KMT2D: variants seen among roughly 807,000 people sequenced by gnomAD.
KMT2D encodes the protein lysine methyltransferase 2D.
In KMT2D, 55 loss-of-function variants were observed where a neutral mutation model predicts 512.7. That is an observed-to-expected ratio of 0.11 (90% CI 0.09 to 0.13). KMT2D has a LOEUF of 0.13. KMT2D is among the 10% of genes least tolerant of loss of function. The pLI is 1.00. For synonymous variants in KMT2D, 2,995 were observed against 2,904.0 expected (o/e 1.03, Z -1.01); for missense variants, 6,061 against 7,127.9 (o/e 0.85, Z 5.39).
At chr12:49,055,050 G>C in intron 2 of KMT2D, 24 bp from the exon 3 acceptor site, 2 of 1,612,450 alleles carry the variant, frequency 1.2e-6, no homozygotes, top group Non-Finnish European at 1.7e-6. Context: ...CAAACAGCAT[G>C]TGTCAGCCAT....
Position 49,041,889 on chromosome 12 carries a change from C to T in KMT2D, c.6183+28G>A, listed in dbSNP as rs150484991. On this transcript the variant is annotated intron_variant, in intron 30 of 54. Coordinates refer to ENST00000301067, the MANE Select transcript of KMT2D (RefSeq NM_003482.4). The surrounding 1 kb of genome is among the most constrained non-coding windows in gnomAD (Gnocchi z 5.4). ...ATCCCTCCCTCCCTCTCAGTTCCCA[C>T]GCTAATCCATGCTCCTTTCTGCCTC... 3.2e-4 allele frequency: 506 copies of T among 1,583,454 alleles called. 4 individuals carry two copies. In the Middle Eastern group the frequency reaches 0.012, roughly 37 times the overall value.
chr12:49,029,323 C>A, intron 44 of KMT2D, 78 bp downstream of exon 44: 1 of 1,581,846 alleles, frequency 6.3e-7, no homozygotes, highest in Non-Finnish European at 8.6e-7. Flanking sequence ...TACTTGAAAT[C>A]TCCATTGGCC....
chr12:49,045,202 T>C (rs754707772), intron 19 of KMT2D, among the ~76,000 whole-genome samples: 1 of 152,196 alleles, frequency 6.6e-6, no homozygotes, highest in Non-Finnish European at 1.5e-5. Flanking sequence ...TTGCTCATGA[T>C]TAACCCTAGG....
intron 44 of KMT2D, 34 bp from the exon 45 acceptor site, chr12:49,029,270 C>T (rs2120395627): frequency 6.2e-7 from 1 of 1,603,840 alleles, no homozygotes; most frequent in Non-Finnish European, 8.5e-7. Flanking sequence ...GTTGCTACAG[C>T]CCTGCAGACT....
rs2137710451 is a variant in KMT2D, at chr12:49,024,557, G to A, written c.16052+21C>T. On this transcript the variant is annotated intron_variant, in intron 51 of 54. Coordinates refer to ENST00000301067, the MANE Select transcript of KMT2D (RefSeq NM_003482.4). The surrounding 1 kb of genome is among the most constrained non-coding windows in gnomAD (Gnocchi z 4.5). ...TCAACACCCACACCCACATCCCTTG[G>A]CTCCAGCATCACAAGCTCACCGTTT... The A allele has an allele frequency of 1.3e-6, 2 of 1,593,208 alleles. No homozygotes were observed. Among genetic ancestry groups the A allele is most frequent in the Non-Finnish European group, 8.6e-7 (1 of 1,166,766 alleles).
rs150988159 is a variant in KMT2D, at chr12:49,046,325, G to T, written c.4518C>A (p.Thr1506=). ...CGTAAGGAGCATGACAGATAGGGCA[G>T]GTCACCAGGCTGGCACAGGGCCCAC... is the stretch of plus-strand genomic sequence containing the variant. ...THCGPCASLV[T]CPICHAPYVE... is the part of the protein sequence containing the mutation. The change falls in exon 17 of 55, where the codon ACC becomes ACA. Residue 1506 remains threonine, a synonymous_variant. Coordinates refer to ENST00000301067, the MANE Select transcript of KMT2D (RefSeq NM_003482.4). This position sits in a 1 kb window ranked among gnomAD's most constrained non-coding sequence, Gnocchi z 4.2. 6.2e-7 allele frequency: 1 copy of T among 1,614,032 alleles called. No individual in the cohort carries two copies. Among genetic ancestry groups the T allele is most frequent in the Non-Finnish European group, 8.5e-7 (1 of 1,179,894 alleles).
rs1408888051 is a variant in KMT2D, at chr12:49,033,323, T to A, written c.11382A>T (p.Pro3794=). The change falls in exon 40 of 55, where the codon CCA becomes CCT. Residue 3794 remains proline, a synonymous_variant. Transcript: ENST00000301067. The stretch of plus-strand genomic sequence containing the variant: ...CCAGCATGCCCTGGGGCCCCTGGGG[T>A]GGTTGAGGGGACAGCTGCTGGACCA... ...GLLVQQLSPQ[P]PQGPQGMLGP... is the part of the protein sequence containing the mutation. 6.3e-7 allele frequency: 1 copy of A among 1,592,228 alleles called. No individual in the cohort carries two copies. The highest frequency in any genetic ancestry group is 1.3e-5 in the African/African-American group (1 of 74,306).
rs563335387 is a variant in KMT2D at position 49,028,111 on chromosome 12, C to T, written c.14413G>A (p.Glu4805Lys). Reference protein sequence around the residue: ...NLNGVMVAVAELLSMKIPNSY... With the variant: ...NLNGVMVAVAKLLSMKIPNSY... ...TTGGGGATCTTCATGCTCAGCAGCT[C>T]CGCCACTGCCACCATCACGCCATTC... The change falls in exon 47 of 55, where the codon GAG becomes AAG. Residue 4805 changes from glutamate (E) to lysine (K), a missense_variant. This residue lies in a region of KMT2D where 1,600 missense variants were observed against 1,754.9 expected (regional missense o/e 0.91). Coordinates refer to ENST00000301067, the MANE Select transcript of KMT2D (RefSeq NM_003482.4). The T allele has an allele frequency of 3.5e-5, 56 of 1,613,914 alleles. No individual in the cohort carries two copies. The Admixed American group carries it at 6.2e-4, about 18-fold the overall frequency.
In KMT2D at chr12:49,030,965, C is replaced by G. The variant is rs1461114003; in HGVS notation, c.13599G>C (p.Val4533=). Residue 4533 remains valine (V), a synonymous_variant, in exon 41 of 55, where the codon GTG becomes GTC. Transcript: ENST00000301067. The part of the protein sequence containing the change: ...KRVQKASDRL[V]SSRKKLRKED... ...CCTTCCGCAGCTTCTTTCGGGAGCT[C>G]ACCAACCTGTCGCTTGCCTTCTGTA... The G allele has an allele frequency of 6.2e-7, 1 of 1,613,974 alleles. No individual in the cohort carries two copies. The highest frequency in any genetic ancestry group is 1.1e-5 in the South Asian group (1 of 91,090).
rs180809568 is a variant in KMT2D at position 49,051,433 on chromosome 12, C to T, written c.2250G>A (p.Pro750=). ...GPHLSPRPEE[P]HLSPRPEEPH... ...GCTCCTCAGGCCGGGGGGACAGGTG[C>T]GGCTCCTCAGGCCGGGGTGACAGGT... Residue 750 remains proline, a synonymous_variant, in exon 11 of 55, where the codon CCG becomes CCA. Coordinates refer to ENST00000301067, the MANE Select transcript of KMT2D (RefSeq NM_003482.4). 1.1e-4 allele frequency: 182 copies of T among 1,606,970 alleles called. No homozygotes were observed. Among genetic ancestry groups the T allele is most frequent in the South Asian group, 6.4e-4 (58 of 90,828 alleles).
In KMT2D at chr12:49,044,027, G is replaced by C; in HGVS notation, c.5189-29C>G. On this transcript the variant is annotated intron_variant, in intron 22 of 54. Transcript: ENST00000301067. This position sits in a 1 kb window ranked among gnomAD's most constrained non-coding sequence, Gnocchi z 6.4. ...TGGACAGAACGGAAGTGTCAGACTC[G>C]GGTTGAGAGCATGCTGCTCCCAACT... 1 of 1,612,258 alleles carries C rather than the reference G, an allele frequency of 6.2e-7. No individual in the cohort carries two copies. Among genetic ancestry groups the C allele is most frequent in the Non-Finnish European group, 8.5e-7 (1 of 1,178,738 alleles).
At chr12:49,047,859 C>G in intron 15 of KMT2D, 106 bp downstream of exon 15, 1 of 771,274 alleles carries the variant, frequency 1.3e-6, no homozygotes, top group East Asian at 2.7e-5. Flanking sequence ...AATGAACAAC[C>G]ATGACCGATG....
intron 1 of KMT2D, among the ~76,000 whole-genome samples, chr12:49,056,616 G>A (rs1215205015): frequency 6.6e-6 from 1 of 152,144 alleles, no homozygotes; most frequent in Non-Finnish European, 1.5e-5. Flanking sequence ...GTGGTGAGGT[G>A]GGGGAAATCC....
rs78617409 is a variant in KMT2D at position 49,053,059 on chromosome 12, C to T, written c.968G>A (p.Cys323Tyr). ...TGCTGAGCCCGCCCCACAGGCCCGG[C>T]ACACCCGGCACGCCTAAGGGAAGGG... ...HSWKCKACRV[C>Y]RACGAGSAEL... Residue 323 changes from cysteine (C) to tyrosine (Y), a missense_variant, in exon 9 of 55, where the codon TGC becomes TAC. By Grantham distance (194) the Cys-to-Tyr change is radical. Coordinates refer to ENST00000301067, the MANE Select transcript of KMT2D (RefSeq NM_003482.4). 6.2e-7 allele frequency: 1 copy of T among 1,614,026 alleles called. No individual in the cohort carries two copies. Among genetic ancestry groups the T allele is most frequent in the African/African-American group, 1.3e-5 (1 of 75,060 alleles).
Position 49,038,681 on chromosome 12 carries a change from C to T in KMT2D, c.8675G>A (p.Gly2892Asp), listed in dbSNP as rs776980017. 1 of 1,612,422 alleles carries T rather than the reference C, an allele frequency of 6.2e-7. No homozygotes were observed. The highest frequency in any genetic ancestry group is 8.5e-7 in the Non-Finnish European group (1 of 1,179,546). ...TGGGCCCTGACCAGGAAACGGAGTG[C>T]CCCCAGGTCCCAGTCCTTTCTGTAC... ...HNVQKGLGPG[G>D]TPFPGQGPPQ... The change falls in exon 35 of 55, where the codon GGC becomes GAC. Residue 2892 changes from glycine to aspartate, a missense_variant. Gly to Asp is a moderately conservative substitution (Grantham distance 94, BLOSUM62 -1). This residue lies in a region of KMT2D where 527 missense variants were observed against 578.9 expected (regional missense o/e 0.91). Coordinates refer to ENST00000301067, the MANE Select transcript of KMT2D (RefSeq NM_003482.4). The surrounding 1 kb of genome is among the most constrained non-coding windows in gnomAD (Gnocchi z 5.7).
In KMT2D at chr12:49,022,582, G is replaced by C. The variant is rs1470571269; in HGVS notation, c.16338+8C>G. 6.2e-7 allele frequency: 1 copy of C among 1,611,852 alleles called. No homozygotes were observed. Among genetic ancestry groups the C allele is most frequent in the Non-Finnish European group, 8.5e-7 (1 of 1,178,564 alleles). On this transcript the variant is annotated splice_region_variant and intron_variant, in intron 52 of 54. Coordinates refer to ENST00000301067, the MANE Select transcript of KMT2D (RefSeq NM_003482.4). The surrounding 1 kb of genome is among the most constrained non-coding windows in gnomAD (Gnocchi z 8.6). The stretch of plus-strand genomic sequence containing the variant: ...ATGCACCACAATGGCCCCTCTGCCA[G>C]CTCATACCTGCTCTTCGTAGATTTT...
intron 26 of KMT2D, 72 bp downstream of exon 26, chr12:49,043,004 C>A: frequency 6.4e-7 from 1 of 1,561,612 alleles, no homozygotes; most frequent in Non-Finnish European, 8.8e-7. Context: ...AGATCACAGT[C>A]CCAAAGATAG....
At position 49,032,891 on chromosome 12, in the gene KMT2D, CTGCTGCTGT is replaced by C. The variant is rs759803583; in HGVS notation, c.11805_11813del (p.Gln3937_Gln3939del). 23 of 1,549,950 alleles carry C rather than the reference CTGCTGCTGT, an allele frequency of 1.5e-5. No homozygotes were observed. The highest frequency in any genetic ancestry group is 4.1e-4 in the Middle Eastern group (2 of 4,904). ...GTTGCTGCTGCTGTTGTTGAAGCTG[CTGCTGCTGT>C]TGCTGCTGTTGAAGCTGTTGCTGCT... On this transcript the variant is annotated inframe_deletion, in exon 40 of 55. Coordinates refer to ENST00000301067, the MANE Select transcript of KMT2D (RefSeq NM_003482.4).
rs1243678342 is a variant in KMT2D, at chr12:49,039,012, G to A, written c.8367-23C>T. On this transcript the variant is annotated intron_variant, in intron 34 of 54. Coordinates refer to ENST00000301067, the MANE Select transcript of KMT2D (RefSeq NM_003482.4). This position sits in a 1 kb window ranked among gnomAD's most constrained non-coding sequence, Gnocchi z 5.0. ...TGCCTGGAAGAATATACAGTAGTCA[G>A]TAGGATGAAATCAGATGAAAAGGAG... is the stretch of plus-strand genomic sequence containing the variant. 9 of 1,551,768 alleles carry A rather than the reference G, an allele frequency of 5.8e-6. No individual in the cohort carries two copies. The highest frequency in any genetic ancestry group is 1.2e-5 in the South Asian group (1 of 84,342).
Sources: allele counts gnomAD v4.1 joint callset (sites outside exome capture counted in the v4.1 genomes callset), GRCh38; gene constraint gnomAD v4.1.1; regional missense constraint gnomAD v4.1.1; non-coding constraint Gnocchi (gnomAD v3.1); transcripts MANE v1.5; gene names NCBI Gene and HGNC (gene_info 2026-07-23, HGNC 2026-07-21).